Variants in CACNA1C observed in about 807,000 individuals in gnomAD.
CACNA1C encodes calcium voltage-gated channel subunit alpha1 C, also known as voltage-dependent L-type calcium channel subunit alpha-1C.
In CACNA1C, 30 loss-of-function variants were observed where a neutral mutation model predicts 229.0. The observed-to-expected ratio is 0.13, with a 90% confidence interval of 0.10 to 0.18. The LOEUF is 0.18. Ranked by LOEUF, CACNA1C falls within the 10% of genes least tolerant of loss-of-function variation. The pLI, the probability that CACNA1C is intolerant of heterozygous loss-of-function variation, is 1.00. For synonymous variants in CACNA1C, 1,114 were observed against 1,132.5 expected (o/e 0.98, Z 0.33); for missense variants, 1,658 against 2,845.0 (o/e 0.58, Z 9.49).
Position 2,647,682 on chromosome 12 carries a change from G to A in CACNA1C, c.3913-793G>A, listed in dbSNP as rs2094494582. ...AGTCGGTCTCCCCTAAACCTGAGAG[G>A]CCACTGCCCTTGCTTTGTTTAAATA... On this transcript the variant is annotated intron_variant, in intron 30 of 46. Transcript: ENST00000399655. This position sits in a 1 kb window ranked among gnomAD's most constrained non-coding sequence, Gnocchi z 4.2. 6.6e-6 allele frequency among the ~76,000 whole-genome samples: 1 copy of A among 152,176 alleles called. No individual in the cohort carries two copies. The highest frequency in any genetic ancestry group is 1.9e-4 in the East Asian group (1 of 5,194).
chr12:2,691,012 C>T lies in CACNA1C; in HGVS notation c.6230C>T (p.Ala2077Val). Residue 2077 changes from alanine (A) to valine (V), a missense_variant, in exon 47 of 47, where the codon GCG becomes GTG. By Grantham distance (64) the Ala-to-Val change is moderately conservative. Transcript: ENST00000399655. ...ATGACCATAGAGGAGATGGAGAGCG[C>T]GGCCGACAACATCCTCAGCGGGGGC... ...CDMTIEEMES[A>V]ADNILSGGAP... The T allele has an allele frequency of 6.2e-7, 1 of 1,600,058 alleles. No homozygotes were observed. The highest frequency in any genetic ancestry group is 8.5e-7 in the Non-Finnish European group (1 of 1,173,518).
chr12:2,245,317 C>A (rs115316443), intron 3 of CACNA1C, among the ~76,000 whole-genome samples: 40 of 152,292 alleles, frequency 2.6e-4, no homozygotes, highest in African/African-American at 9.6e-4. Flanking sequence ...CCATTGAGAA[C>A]CCTTCAGCAC....
chr12:2,261,543 CAG>C (rs2080223722), intron 3 of CACNA1C, among the ~76,000 whole-genome samples: 1 of 152,192 alleles, frequency 6.6e-6, no homozygotes, highest in Admixed American at 6.5e-5. Flanking sequence ...AAAAAGGTCT[CAG>C]AGATCCTGCT....
intron 3 of CACNA1C, among the ~76,000 whole-genome samples, chr12:2,421,903 C>G (rs1364867613): frequency 7.3e-6 from 1 of 137,622 alleles, no homozygotes; most frequent in East Asian, 2.0e-4. Flanking sequence ...GAGCAAGACT[C>G]TGTCTCAACA....
chr12:2,227,422 T>C (rs998094426), intron 3 of CACNA1C, among the ~76,000 whole-genome samples: 11 of 152,228 alleles, frequency 7.2e-5, no homozygotes, highest in Admixed American at 7.2e-4. Flanking sequence ...TTTGGCAAGT[T>C]ACCTAACCTT....
At chr12:2,119,982 C>T (rs1249967464) in intron 2 of CACNA1C, among the ~76,000 whole-genome samples, 2 of 152,248 alleles carry the variant, frequency 1.3e-5, no homozygotes, top group East Asian at 3.8e-4. Context: ...GGGTGCTTGG[C>T]GCAGGCCATG....
At chr12:2,166,090 G>T (rs1417152979) in intron 3 of CACNA1C, among the ~76,000 whole-genome samples, 2 of 152,212 alleles carry the variant, frequency 1.3e-5, no homozygotes, top group Non-Finnish European at 2.9e-5. Context: ...TAGTGCTCCA[G>T]CGATTTCTCA....
intron 3 of CACNA1C, among the ~76,000 whole-genome samples, chr12:2,264,155 G>GT (rs1664341388): frequency 6.6e-6 from 1 of 152,210 alleles, no homozygotes; most frequent in South Asian, 2.1e-4. Context: ...CTCCCAGGGA[G>GT]TAGGGGTAGG....
At chr12:2,621,570 C>G (rs972219593) in intron 29 of CACNA1C, among the ~76,000 whole-genome samples, 1 of 152,158 alleles carries the variant, frequency 6.6e-6, no homozygotes, top group Non-Finnish European at 1.5e-5. Context: ...ATTTTTTAAC[C>G]AGCATGCTGG....
intron 1 of CACNA1C, among the ~76,000 whole-genome samples, chr12:2,037,982 G>T (rs745692129): frequency 6.6e-6 from 1 of 151,810 alleles, no homozygotes; most frequent in East Asian, 1.9e-4. Context: ...AGCAGGTGAG[G>T]CTTCTCTTCG....
chr12:2,543,253 G>A (rs577332037), intron 9 of CACNA1C, among the ~76,000 whole-genome samples: 69 of 152,298 alleles, frequency 4.5e-4, no homozygotes, highest in African/African-American at 1.5e-3. Context: ...TATAAAGGAT[G>A]TGCTATTATG....
rs941918581 is a variant in CACNA1C, at chr12:2,633,193, C to T, written c.3829-1104C>T. 2.0e-5 allele frequency among the ~76,000 whole-genome samples: 3 copies of T among 152,218 alleles called. No individual in the cohort carries two copies. Among genetic ancestry groups the T allele is most frequent in the Admixed American group, 1.3e-4 (2 of 15,288 alleles). ...CCGCTACCCTCTGAGGGGTCACACACCTGTGTTCCCTCCCTCCAGACAGGC... is the reference window on the plus strand; with the variant it reads ...CCGCTACCCTCTGAGGGGTCACACATCTGTGTTCCCTCCCTCCAGACAGGC... On this transcript the variant is annotated intron_variant, in intron 29 of 46. Transcript: ENST00000399655. The surrounding 1 kb of genome is among the most constrained non-coding windows in gnomAD (Gnocchi z 5.8).
At chr12:2,580,472 G>T (rs547037003) in intron 13 of CACNA1C, among the ~76,000 whole-genome samples, 3 of 152,294 alleles carry the variant, frequency 2.0e-5, no homozygotes, top group African/African-American at 7.2e-5. Flanking sequence ...ATCTCTCAAG[G>T]GAGTGACCTA....
At chr12:2,247,719 T>G (rs1216233248) in intron 3 of CACNA1C, among the ~76,000 whole-genome samples, 1 of 152,242 alleles carries the variant, frequency 6.6e-6, no homozygotes, top group Non-Finnish European at 1.5e-5. Context: ...TCACTTGTTC[T>G]TTTTCCTTCT....
In CACNA1C at chr12:2,665,662, C is replaced by T. The variant is rs2096051417; in HGVS notation, c.4480C>T (p.Leu1494=). 1 of 1,613,582 alleles carries T rather than the reference C, an allele frequency of 6.2e-7. No individual in the cohort carries two copies. The highest frequency in any genetic ancestry group is 8.5e-7 in the Non-Finnish European group (1 of 1,179,718). The change falls in exon 36 of 47, where the codon CTG becomes TTG. Residue 1494 remains leucine (L), a synonymous_variant. Coordinates refer to ENST00000399655, the MANE Select transcript of CACNA1C (RefSeq NM_000719.7). This position sits in a 1 kb window ranked among gnomAD's most constrained non-coding sequence, Gnocchi z 5.9. ...RDWSILGPHH[L]DEFKRIWAEY... is the part of the protein sequence containing the mutation. Reference sequence around the variant, plus strand: ...CTGGTCCATCCTTGGTCCCCACCACCTGGATGAGTTTAAAAGAATCTGGGC... The same window carrying T: ...CTGGTCCATCCTTGGTCCCCACCACTTGGATGAGTTTAAAAGAATCTGGGC...
intron 29 of CACNA1C, among the ~76,000 whole-genome samples, chr12:2,617,523 C>T (rs1172052581): frequency 2.6e-5 from 4 of 152,320 alleles, no homozygotes; most frequent in Non-Finnish European, 5.9e-5. Context: ...CAGGGGCAGC[C>T]GTCCTCGTAT....
At position 2,053,337 on chromosome 12, in the gene CACNA1C, A is replaced by C; in HGVS notation, c.-226A>C. ...TGTACTGAGGATGCGTTACAGTTTC[A>C]CTCGAGGAGGCAGTAGTGGAAAGGA... is the stretch of plus-strand genomic sequence containing the variant. On this transcript the variant is annotated 5_prime_UTR_variant, in exon 1 of 47. Transcript: ENST00000399655. This position sits in a 1 kb window ranked among gnomAD's most constrained non-coding sequence, Gnocchi z 5.8. 1 of 1,294,724 alleles carries C rather than the reference A, an allele frequency of 7.7e-7. No homozygotes were observed. The highest frequency in any genetic ancestry group is 1.5e-5 in the African/African-American group (1 of 65,394). The allele number at this position is 1,294,724 out of a possible 1,614,324, so 80.2% of individuals were successfully genotyped here.
At chr12:2,342,725 G>C (rs569738028) in intron 3 of CACNA1C, among the ~76,000 whole-genome samples, 1 of 152,302 alleles carries the variant, frequency 6.6e-6, no homozygotes, top group African/African-American at 2.4e-5. Context: ...GAACATCAGT[G>C]CTGCAGTAGG....
Position 2,393,371 on chromosome 12 carries a change from A to G in CACNA1C, c.478-55605A>G, listed in dbSNP as rs1595074607. Among the ~76,000 whole-genome samples, 4 of 152,190 alleles carry G rather than the reference A, an allele frequency of 2.6e-5. No homozygotes were observed. In the South Asian group the frequency reaches 8.3e-4, roughly 32 times the overall value. On this transcript the variant is annotated intron_variant, in intron 3 of 46. Transcript: ENST00000399655. ...TTCAAACCCTGCTGGCTGGCCCTCC[A>G]CCATCTCCTGCTCCAGTGAAGACTG...
Sources: allele counts gnomAD v4.1 joint callset (sites outside exome capture counted in the v4.1 genomes callset), GRCh38; gene constraint gnomAD v4.1.1; non-coding constraint Gnocchi (gnomAD v3.1); transcripts MANE v1.5; gene names NCBI Gene and HGNC (gene_info 2026-07-23, HGNC 2026-07-21).